Variants in CD99 observed in about 807,000 individuals in gnomAD.
CD99 encodes CD99 antigen.
A neutral mutation model predicts 28.4 loss-of-function variants in CD99; 19 were observed. The ratio of observed to expected loss-of-function variants is 0.67; its 90% confidence interval spans 0.47 to 0.98. CD99 has a LOEUF of 0.98. Among genes scored for constraint, CD99 ranks in the 50% least tolerant of loss-of-function variants. The probability of loss-of-function intolerance (pLI) is 0.00; values close to 1 mark genes in which losing one functional copy is unlikely to be tolerated. For synonymous variants in CD99, 103 were observed against 92.1 expected, an observed-to-expected ratio of 1.12 and a Z score of -0.67; for missense variants, 283 against 248.8, an observed-to-expected ratio of 1.14 and a Z score of -0.92.
intron 1 of CD99, among the ~76,000 whole-genome samples, chrX:2,699,682 C>T (rs1322401214): frequency 6.6e-6 from 1 of 152,136 alleles, no homozygotes; most frequent in African/African-American, 2.4e-5. Context: ...GTCCTGAACT[C>T]CTGAGTTCAA....
intron 1 of CD99, among the ~76,000 whole-genome samples, chrX:2,711,908 G>C (rs2048426750): frequency 6.6e-6 from 1 of 152,046 alleles, no homozygotes. Context: ...GGGCATGATG[G>C]GCGGGCGCCT....
At chrX:2,711,621 A>C (rs1372562944) in intron 1 of CD99, among the ~76,000 whole-genome samples, 1 of 152,148 alleles carries the variant, frequency 6.6e-6, no homozygotes, top group Non-Finnish European at 1.5e-5. Flanking sequence ...CATTCACTAA[A>C]AGCCATTCAT....
chrX:2,720,210 C>T (rs1186733157), intron 4 of CD99, 146 bp from the exon 5 acceptor site: 2 of 661,086 alleles, frequency 3.0e-6, no homozygotes, highest in African/African-American at 3.6e-5. Context: ...AGGAAACTGG[C>T]AGGAGACTGT....
In CD99 at chrX:2,703,605, A is replaced by AGTGTGTGTGT. The variant is rs556444956; in HGVS notation, c.68-10780_68-10771dup. Among the ~76,000 whole-genome samples the AGTGTGTGTGT allele has an allele frequency of 8.8e-3, 1,212 of 138,464 alleles. 20 individuals carry two copies. Among genetic ancestry groups the AGTGTGTGTGT allele is most frequent in the East Asian group, 0.027 (126 of 4,672 alleles). 90.8% of individuals were successfully genotyped at this position (138,464 alleles called of 152,430 possible). On this transcript the variant is annotated intron_variant, in intron 1 of 9. Transcript: ENST00000381192. The stretch of plus-strand genomic sequence containing the variant: ...CTGTAATTAACAAACCGAGCTGTTA[A>AGTGTGTGTGT]GTGTGTGTGTGTGTGTGTGTGTGTG...
chrX:2,737,810 G>A (rs1284206356), intron 8 of CD99: 2 of 363,268 alleles, frequency 5.5e-6, no homozygotes, highest in Non-Finnish European at 5.3e-6. Context: ...GCATTTGTTT[G>A]ATGAGTTTGG....
At chrX:2,693,607 CAA>C (rs1255530712) in intron 1 of CD99, among the ~76,000 whole-genome samples, 1 of 152,284 alleles carries the variant, frequency 6.6e-6, no homozygotes, top group African/African-American at 2.4e-5. Flanking sequence ...CATCAGGCTG[CAA>C]AACCCCGTTG....
chrX:2,733,407 C>A, intron 8 of CD99: 1 of 1,580,764 alleles, frequency 6.3e-7, no homozygotes, highest in Non-Finnish European at 8.6e-7. Flanking sequence ...GCCTGCGGAG[C>A]GTCCTGACCG....
intron 1 of CD99, among the ~76,000 whole-genome samples, chrX:2,707,661 T>G (rs1452478326): frequency 1.3e-5 from 2 of 152,080 alleles, no homozygotes; most frequent in African/African-American, 4.8e-5. Flanking sequence ...GAGGGCCGGG[T>G]GGAAACAGCA....
At chrX:2,693,064 T>C (rs2047405949) in intron 1 of CD99, among the ~76,000 whole-genome samples, 2 of 152,144 alleles carry the variant, frequency 1.3e-5, no homozygotes, top group African/African-American at 2.4e-5. Context: ...TTCCAGGTCA[T>C]TGGAGCAGAG....
intron 8 of CD99, among the ~76,000 whole-genome samples, chrX:2,735,826 A>G (rs1336813109): frequency 6.6e-6 from 1 of 152,070 alleles, no homozygotes; most frequent in African/African-American, 2.4e-5. Context: ...TGTGGGAGTC[A>G]TTTAGTGGTT....
At chrX:2,727,699 A>G (rs1361068830) in intron 8 of CD99, among the ~76,000 whole-genome samples, 1 of 151,566 alleles carries the variant, frequency 6.6e-6, no homozygotes, top group African/African-American at 2.4e-5. Context: ...CTGGTCTCCA[A>G]CTCCTCACCT....
intron 1 of CD99, 114 bp downstream of exon 1, chrX:2,691,541 C>G (rs904032729): frequency 8.2e-7 from 1 of 1,212,450 alleles, no homozygotes; most frequent in Non-Finnish European, 1.2e-6. Flanking sequence ...GAGCCTCCTC[C>G]CTGCCCGGCA....
chrX:2,729,454 G>C, intron 8 of CD99, among the ~76,000 whole-genome samples: 1 of 152,158 alleles, frequency 6.6e-6, no homozygotes, highest in African/African-American at 2.4e-5. Context: ...AATCATGGCA[G>C]AAGGGGACGC....
chrX:2,692,533 C>G (rs745923811), intron 1 of CD99, among the ~76,000 whole-genome samples: 1 of 152,278 alleles, frequency 6.6e-6, no homozygotes, highest in East Asian at 1.9e-4. Flanking sequence ...TCCCGGGTAT[C>G]CTAGAAATTG....
chrX:2,709,607 C>T (rs1464896824), intron 1 of CD99, among the ~76,000 whole-genome samples: 3 of 152,230 alleles, frequency 2.0e-5, no homozygotes, highest in Non-Finnish European at 2.9e-5. Context: ...GGAGCACACA[C>T]GTGCACACAC....
chrX:2,733,511 T>C lies in CD99; in HGVS notation c.476-4689T>C, dbSNP rs1053584799. On this transcript the variant is annotated intron_variant, in intron 8 of 9. Transcript: ENST00000381192. ...TGGCAAATTCCCACCACGATGGGAT[T>C]CTCAATCACATGGCGGATTCTCTGC... The C allele has an allele frequency of 9.1e-6, 8 of 880,506 alleles. No individual in the cohort carries two copies. The African/African-American group carries it at 1.3e-4, about 15-fold the overall frequency. The allele number at this position is 880,506 out of a possible 1,614,324, so 54.5% of individuals were successfully genotyped here. A position where few individuals can be genotyped will look rare whatever the true frequency, so the allele number is the denominator to read the frequency against.
intron 3 of CD99, among the ~76,000 whole-genome samples, chrX:2,718,771 A>T (rs2048861697): frequency 6.6e-6 from 1 of 152,176 alleles, no homozygotes; most frequent in Non-Finnish European, 1.5e-5. Context: ...AAATGATGCT[A>T]AAACTTATGG....
intron 5 of CD99, 100 bp from the exon 6 acceptor site, chrX:2,722,527 A>G: frequency 2.0e-6 from 2 of 1,020,280 alleles, no homozygotes; most frequent in East Asian, 2.4e-5. Context: ...CACCATGTTG[A>G]TGAACAGGCC....
At chrX:2,692,080 GA>G in intron 1 of CD99, 1 of 604,646 alleles carries the variant, frequency 1.7e-6, no homozygotes, top group Non-Finnish European at 3.0e-6. Context: ...GGAGAATTCG[GA>G]AAACAGAAAA....
Sources: gnomAD v4.1 joint callset for allele counts (sites outside exome capture counted in the v4.1 genomes callset) on GRCh38, gnomAD v4.1.1 for gene constraint, MANE v1.5 for transcripts, NCBI Gene and HGNC (gene_info 2026-07-23, HGNC 2026-07-21) for gene names.